AFG1L: variants seen among roughly 807,000 people sequenced by gnomAD.
The protein encoded by AFG1L is AFG1-like ATPase.
AFG1L carries 53 observed loss-of-function variants against 62.2 expected under a neutral mutation model. The ratio of observed to expected loss-of-function variants is 0.85; its 90% CI spans 0.68 to 1.07. AFG1L has a LOEUF of 1.07. Among genes scored for constraint, AFG1L ranks in the 50% least tolerant of loss-of-function variants. AFG1L has a pLI of 0.00. For synonymous variants in AFG1L, 228 were observed against 210.3 expected, an observed-to-expected ratio of 1.08 and a Z score of -0.73; for missense variants, 555 against 590.5, an observed-to-expected ratio of 0.94 and a Z score of 0.62.
chr6:108,352,273 T>C (rs1008068307), intron 3 of AFG1L, among the ~76,000 whole-genome samples: 2 of 152,240 alleles, frequency 1.3e-5, no homozygotes, highest in African/African-American at 4.8e-5. Context: ...ATTATTTTAC[T>C]TAGCAAAATA....
chr6:108,333,374 A>G (rs959426605), intron 2 of AFG1L, among the ~76,000 whole-genome samples: 2 of 151,514 alleles, frequency 1.3e-5, no homozygotes, highest in African/African-American at 4.9e-5. Context: ...CCGCCACTGC[A>G]CTCCAGCCTG....
chr6:108,436,763 G>A (rs184697887), intron 7 of AFG1L, among the ~76,000 whole-genome samples: 2 of 152,284 alleles, frequency 1.3e-5, no homozygotes, highest in East Asian at 1.9e-4. Flanking sequence ...AAGTTACTTA[G>A]CCTCTCTGTG....
chr6:108,454,793 C>T (rs1282966063), intron 8 of AFG1L, among the ~76,000 whole-genome samples: 1 of 152,138 alleles, frequency 6.6e-6, no homozygotes, highest in Non-Finnish European at 1.5e-5. Flanking sequence ...GCTGGGATTA[C>T]AGGCGCATGC....
At chr6:108,310,526 T>A (rs1364001427) in intron 1 of AFG1L, among the ~76,000 whole-genome samples, 1 of 152,046 alleles carries the variant, frequency 6.6e-6, no homozygotes, top group Admixed American at 6.6e-5. Flanking sequence ...TTATCAGAGA[T>A]GTGATTTGCA....
At chr6:108,489,163 T>C (rs1187880832) in intron 10 of AFG1L, among the ~76,000 whole-genome samples, 1 of 152,130 alleles carries the variant, frequency 6.6e-6, no homozygotes, top group Non-Finnish European at 1.5e-5. Flanking sequence ...TGTCTAAAAC[T>C]CAGTAGAAAC....
chr6:108,329,820 T>C (rs1778200233), intron 2 of AFG1L, among the ~76,000 whole-genome samples: 1 of 152,174 alleles, frequency 6.6e-6, no homozygotes. Context: ...TCTGGTGCTA[T>C]GGTTCGAATA....
intron 1 of AFG1L, among the ~76,000 whole-genome samples, chr6:108,303,238 A>C (rs1264014465): frequency 2.0e-5 from 3 of 152,026 alleles, no homozygotes; most frequent in African/African-American, 4.8e-5. Flanking sequence ...TTAGAGACAC[A>C]GTCTCACTAT....
intron 6 of AFG1L, among the ~76,000 whole-genome samples, chr6:108,367,092 C>G (rs1236292990): frequency 2.6e-5 from 4 of 152,170 alleles, no homozygotes; most frequent in Non-Finnish European, 2.9e-5. Flanking sequence ...ACCCTGCTCT[C>G]TCTTTTACCC....
intron 10 of AFG1L, among the ~76,000 whole-genome samples, chr6:108,485,817 G>A (rs1377685839): frequency 6.7e-6 from 1 of 148,918 alleles, no homozygotes; most frequent in African/African-American, 2.5e-5. Flanking sequence ...GACTACAGGC[G>A]TGCACCACCA....
chr6:108,302,954 G>C (rs1253274746), intron 1 of AFG1L, among the ~76,000 whole-genome samples: 1 of 151,624 alleles, frequency 6.6e-6, no homozygotes. Flanking sequence ...AAGTTTCCTT[G>C]ACTCTGGAAA....
At chr6:108,486,513 TTA>T (rs1773580736) in intron 10 of AFG1L, among the ~76,000 whole-genome samples, 6 of 152,188 alleles carry the variant, frequency 3.9e-5, no homozygotes, top group Admixed American at 3.3e-4. Context: ...GGTGAAGATA[TTA>T]TTGAGTCAGG....
At chr6:108,386,216 C>CT (rs1780756230) in intron 6 of AFG1L, among the ~76,000 whole-genome samples, 1 of 152,096 alleles carries the variant, frequency 6.6e-6, no homozygotes, top group Non-Finnish European at 1.5e-5. Flanking sequence ...AATCTCAGCA[C>CT]TTTGGGAGGC....
chr6:108,358,099 A>C (rs553050059), intron 5 of AFG1L, among the ~76,000 whole-genome samples: 13 of 152,204 alleles, frequency 8.5e-5, no homozygotes, highest in Non-Finnish European at 1.8e-4. Flanking sequence ...CATACTAACC[A>C]CATCAATGTT....
At chr6:108,378,981 TCTTCTC>T (rs1780376084) in intron 6 of AFG1L, among the ~76,000 whole-genome samples, 1 of 150,542 alleles carries the variant, frequency 6.6e-6, no homozygotes, top group Non-Finnish European at 1.5e-5. Flanking sequence ...CTGCTGCTGC[TCTTCTC>T]CTTCTCCTTC....
intron 8 of AFG1L, among the ~76,000 whole-genome samples, chr6:108,451,965 T>C (rs1038235640): frequency 2.0e-5 from 3 of 152,116 alleles, no homozygotes; most frequent in Non-Finnish European, 4.4e-5. Flanking sequence ...TCCATCCGCC[T>C]CAGCCTCTGC....
chr6:108,501,011 T>G lies in AFG1L; in HGVS notation c.1063-9201T>G, dbSNP rs75438970. On this transcript the variant is annotated intron_variant, in intron 10 of 12. Coordinates refer to ENST00000368977, the MANE Select transcript of AFG1L (RefSeq NM_145315.5). ...CACTTTGAAGATAATTTTTTTTTTT[T>G]GAGACGGAGTCTTGCTCTGTCGCCC... Among the ~76,000 whole-genome samples the G allele has an allele frequency of 2.6e-5, 4 of 152,268 alleles. No homozygotes were observed. The East Asian group carries it at 7.7e-4, about 29-fold the overall frequency.
chr6:108,411,797 G>T (rs146447868), intron 7 of AFG1L, among the ~76,000 whole-genome samples: 4 of 152,214 alleles, frequency 2.6e-5, no homozygotes, highest in Non-Finnish European at 4.4e-5. Context: ...AAACCACAAA[G>T]ATGGGGAGAA....
chr6:108,433,982 C>T (rs890751811), intron 7 of AFG1L, among the ~76,000 whole-genome samples: 1 of 152,186 alleles, frequency 6.6e-6, no homozygotes, highest in Non-Finnish European at 1.5e-5. Context: ...CATGGCCATC[C>T]CGCAGGCTGG....
intron 10 of AFG1L, among the ~76,000 whole-genome samples, chr6:108,491,715 T>G (rs1773784926): frequency 6.6e-6 from 1 of 152,194 alleles, no homozygotes; most frequent in African/African-American, 2.4e-5. Context: ...TTACTCATAG[T>G]TTGAAGGGCT....
Sources: gnomAD v4.1 joint callset for allele counts (sites outside exome capture counted in the v4.1 genomes callset) on GRCh38, gnomAD v4.1.1 for gene constraint, MANE v1.5 for transcripts, NCBI Gene and HGNC (gene_info 2026-07-23, HGNC 2026-07-21) for gene names.